The following FGD4 variants were observed in gnomAD, a reference collection of about 807,000 sequenced individuals.
FGD4 encodes FYVE, RhoGEF and PH domain containing 4.
A neutral mutation model predicts 102.0 loss-of-function variants in FGD4; 42 were observed. The observed-to-expected ratio is 0.41, with a 90% CI of 0.32 to 0.53. The LOEUF is 0.53. FGD4 is among the 20% of genes least tolerant of loss of function. FGD4 has a pLI of 0.21. For missense variants in FGD4, 902 were observed against 1,078.2 expected, an observed-to-expected ratio of 0.84 and a Z score of 2.29; for synonymous variants, 380 against 375.7, an observed-to-expected ratio of 1.01 and a Z score of -0.13.
intron 10 of FGD4, among the ~76,000 whole-genome samples, chr12:32,615,801 C>T (rs1949416636): frequency 6.6e-6 from 1 of 151,956 alleles, no homozygotes; most frequent in Non-Finnish European, 1.5e-5. Context: ...TTAGGATTGG[C>T]TAGTTGGAAT....
intron 14 of FGD4, among the ~76,000 whole-genome samples, chr12:32,627,487 G>T (rs1950254278): frequency 6.6e-6 from 1 of 152,178 alleles, no homozygotes; most frequent in Non-Finnish European, 1.5e-5. Flanking sequence ...GTTCACTGAA[G>T]AATGAAGTAG....
At chr12:32,638,949 T>C (rs761008446) in intron 16 of FGD4, 154 bp downstream of exon 16, 4 of 1,485,932 alleles carry the variant, frequency 2.7e-6, no homozygotes, top group Non-Finnish European at 3.6e-6. Context: ...AGTTTGTTGT[T>C]TAAGCTGATT....
At chr12:32,529,447 T>C (rs1182641172) in intron 1 of FGD4, among the ~76,000 whole-genome samples, 1 of 152,142 alleles carries the variant, frequency 6.6e-6, no homozygotes, top group African/African-American at 2.4e-5. Flanking sequence ...GTTTTCCTAC[T>C]CCATTTTCTA....
At chr12:32,605,175 A>AC (rs1565897482) in intron 7 of FGD4, among the ~76,000 whole-genome samples, 1 of 151,818 alleles carries the variant, frequency 6.6e-6, no homozygotes, top group African/African-American at 2.4e-5. Flanking sequence ...CTGGCCTCAA[A>AC]TGATTCCCCC....
chr12:32,527,090 A>G (rs913560806), intron 1 of FGD4, among the ~76,000 whole-genome samples: 9 of 152,196 alleles, frequency 5.9e-5, no homozygotes, highest in Admixed American at 5.9e-4. Context: ...CCAAAATTTG[A>G]AATTCATATA....
At chr12:32,563,068 C>T (rs1227494376) in intron 1 of FGD4, among the ~76,000 whole-genome samples, 2 of 146,614 alleles carry the variant, frequency 1.4e-5, no homozygotes, top group African/African-American at 2.5e-5. Context: ...CCCTCCCGGA[C>T]GGGGCGGCTG....
At chr12:32,639,004 G>A in intron 16 of FGD4, 1 of 1,360,224 alleles carries the variant, frequency 7.4e-7, no homozygotes, top group Non-Finnish European at 9.6e-7. Context: ...TGGATCATCT[G>A]TCCCCTTTCT....
intron 1 of FGD4, among the ~76,000 whole-genome samples, chr12:32,422,288 CTTTTTTTTTTTT>C (rs770560590): frequency 9.2e-5 from 5 of 54,176 alleles, no homozygotes; most frequent in South Asian, 7.8e-4. Flanking sequence ...TTGGGAGCTG[CTTTTTTTTTTTT>C]TTTTTTTTTT....
rs999931969 is a variant in FGD4 at position 32,544,601 on chromosome 12, C to T, written c.167-19536C>T. 6.6e-6 allele frequency among the ~76,000 whole-genome samples: 1 copy of T among 151,900 alleles called. No individual in the cohort carries two copies. ...TACAAAAATGAGCCGGGCGTGGTGG[C>T]TCACACCTGTGGTTCCAGCTACTCA... is the stretch of plus-strand genomic sequence containing the variant. On this transcript the variant is annotated intron_variant, in intron 1 of 16. Transcript: ENST00000534526. This position sits in a 1 kb window ranked among gnomAD's most constrained non-coding sequence, Gnocchi z 4.1.
At chr12:32,627,672 T>A (rs1298459612) in intron 14 of FGD4, among the ~76,000 whole-genome samples, 1 of 152,156 alleles carries the variant, frequency 6.6e-6, no homozygotes, top group African/African-American at 2.4e-5. Context: ...ACTCGTCAGC[T>A]TAATGGCAAT....
chr12:32,635,575 G>T (rs765289222), intron 15 of FGD4, among the ~76,000 whole-genome samples: 2 of 152,106 alleles, frequency 1.3e-5, no homozygotes, highest in Non-Finnish European at 2.9e-5. Flanking sequence ...ACACTTTCCT[G>T]TAAAGAGTCA....
chr12:32,638,702 T>G lies in FGD4; in HGVS notation c.2361T>G (p.Leu787=), dbSNP rs1358873743. Reference sequence around the variant, plus strand: ...GAAACAGTGTGGTGTGCAGCTTTCTTCAGTATATGGAGAAGTCAAAACCTT... The same window carrying G: ...GAAACAGTGTGGTGTGCAGCTTTCTGCAGTATATGGAGAAGTCAAAACCTT... ...VSGNSVVCSF[L]QYMEKSKPWQ... Residue 787 remains leucine (L), a synonymous_variant, in exon 16 of 17, where the codon CTT becomes CTG. Coordinates refer to ENST00000534526, the MANE Select transcript of FGD4 (RefSeq NM_001370298.3). 3 of 1,614,188 alleles carry G rather than the reference T, an allele frequency of 1.9e-6. No individual in the cohort carries two copies. The highest frequency in any genetic ancestry group is 2.5e-6 in the Non-Finnish European group (3 of 1,180,028).
chr12:32,625,557 T>C lies in FGD4; in HGVS notation c.2047-97T>C, dbSNP rs142228386. ...AGTGCTGGGATTATAGTTCAGAACA[T>C]GGTTTGAGCAATGTAGTTAAAGTTC... On this transcript the variant is annotated intron_variant, in intron 13 of 16. Transcript: ENST00000534526. 2.3e-4 allele frequency: 324 copies of C among 1,434,010 alleles called. No individual in the cohort carries two copies. In the African/African-American group the frequency reaches 4.2e-3, roughly 19 times the overall value. 88.8% of individuals were successfully genotyped at this position (1,434,010 alleles called of 1,614,324 possible). A position where few individuals can be genotyped will look rare whatever the true frequency, so the allele number is the denominator to read the frequency against.
At chr12:32,549,818 G>T (rs1022017412) in intron 1 of FGD4, among the ~76,000 whole-genome samples, 1 of 152,178 alleles carries the variant, frequency 6.6e-6, no homozygotes, top group African/African-American at 2.4e-5. Context: ...TTCTTAAAGT[G>T]AAAGGCACTG....
intron 4 of FGD4, among the ~76,000 whole-genome samples, chr12:32,585,818 A>G (rs1946976348): frequency 7.5e-6 from 1 of 133,126 alleles, no homozygotes. Context: ...TGGGCCACAG[A>G]GCTGAGACCT....
At chr12:32,422,134 ACT>A (rs1447504669) in intron 1 of FGD4, among the ~76,000 whole-genome samples, 2 of 143,566 alleles carry the variant, frequency 1.4e-5, no homozygotes, top group Non-Finnish European at 3.1e-5. Flanking sequence ...ACAGAATGAG[ACT>A]CTGTCTCAAA....
At chr12:32,494,846 C>T (rs1565776078) in intron 1 of FGD4, among the ~76,000 whole-genome samples, 1 of 152,282 alleles carries the variant, frequency 6.6e-6, no homozygotes, top group East Asian at 1.9e-4. Context: ...CTTGGTCTGA[C>T]AGATGTGGCT....
intron 1 of FGD4, chr12:32,485,889 T>C (rs960633222): frequency 5.6e-6 from 7 of 1,246,694 alleles, no homozygotes; most frequent in Non-Finnish European, 6.0e-6. Flanking sequence ...CGTGGAATTT[T>C]GAAATGCGTT....
At position 32,410,205 on chromosome 12, in the gene FGD4, G is replaced by A. The variant is rs546311734; in HGVS notation, c.166+10246G>A. On this transcript the variant is annotated intron_variant, in intron 1 of 16. Coordinates refer to ENST00000534526, the MANE Select transcript of FGD4 (RefSeq NM_001370298.3). The stretch of plus-strand genomic sequence containing the variant: ...TAGCCGGGTCTGGTGGCGGGCGCCT[G>A]CAGTCCCAGCTACTCGGGAGGCTGA... 5.9e-5 allele frequency among the ~76,000 whole-genome samples: 9 copies of A among 152,178 alleles called. No homozygotes were observed. In the East Asian group the frequency reaches 1.7e-3, roughly 29 times the overall value.
Sources: allele counts gnomAD v4.1 joint callset (sites outside exome capture counted in the v4.1 genomes callset), GRCh38; gene constraint gnomAD v4.1.1; non-coding constraint Gnocchi (gnomAD v3.1); transcripts MANE v1.5; gene names NCBI Gene and HGNC (gene_info 2026-07-23, HGNC 2026-07-21).